COG5: variants seen among roughly 807,000 people sequenced by gnomAD.
COG5 encodes conserved oligomeric Golgi complex subunit 5.
COG5 carries 86 observed loss-of-function variants against 110.4 expected under a neutral mutation model. The ratio of observed to expected loss-of-function variants is 0.78; its 90% CI spans 0.65 to 0.93. COG5 has a LOEUF of 0.93. Among genes scored for constraint, COG5 ranks in the 40% least tolerant of loss-of-function variants. The pLI is 0.00. For synonymous variants in COG5, 360 were observed against 334.6 expected, an observed-to-expected ratio of 1.08 and a Z score of -0.83; for missense variants, 1,077 against 987.0, an observed-to-expected ratio of 1.09 and a Z score of -1.22.
chr7:107,251,047 A>G lies in COG5; in HGVS notation c.1750-2548T>C, dbSNP rs573101433. On this transcript the variant is annotated intron_variant, in intron 16 of 21. Transcript: ENST00000297135. ...AGATTCAGGAAAATCAGCAGATCCC[A>G]AACAGGATAATTTTGATGAGAACTA... Among the ~76,000 whole-genome samples, 5 of 151,896 alleles carry G rather than the reference A, an allele frequency of 3.3e-5. No homozygotes were observed. In the East Asian group the frequency reaches 9.7e-4, roughly 29 times the overall value.
intron 7 of COG5, among the ~76,000 whole-genome samples, chr7:107,389,503 G>A (rs545857786): frequency 1.3e-5 from 2 of 152,224 alleles, no homozygotes; most frequent in East Asian, 3.8e-4. Context: ...CCTCAAACCA[G>A]GTAATACAAT....
intron 6 of COG5, among the ~76,000 whole-genome samples, chr7:107,476,495 C>T (rs1206517214): frequency 6.6e-6 from 1 of 151,502 alleles, no homozygotes; most frequent in East Asian, 1.9e-4. Flanking sequence ...ACTTTTCTAC[C>T]GTACCATCAC....
chr7:107,492,185 G>GTGTGTC (rs1341908602), intron 6 of COG5, among the ~76,000 whole-genome samples: 3 of 150,730 alleles, frequency 2.0e-5, no homozygotes, highest in East Asian at 4.6e-4. Context: ...GTGTGTGTGT[G>GTGTGTC]TGTGTGTGTG....
At chr7:107,444,975 C>T (rs866794052) in intron 6 of COG5, among the ~76,000 whole-genome samples, 16 of 152,026 alleles carry the variant, frequency 1.1e-4, no homozygotes, top group South Asian at 2.1e-4. Flanking sequence ...ACTGTTTGAA[C>T]CCAGGAGTTT....
chr7:107,220,906 C>T, intron 19 of COG5, among the ~76,000 whole-genome samples: 1 of 151,360 alleles, frequency 6.6e-6, no homozygotes, highest in East Asian at 1.9e-4. Context: ...CAACCTCTGC[C>T]TCCCAGGTTC....
chr7:107,507,043 A>G (rs1447302116), intron 6 of COG5, among the ~76,000 whole-genome samples: 1 of 152,090 alleles, frequency 6.6e-6, no homozygotes, highest in African/African-American at 2.4e-5. Context: ...ATATGTCACC[A>G]CTTCCTAAAT....
chr7:107,265,861 C>A (rs1480249025), intron 14 of COG5, among the ~76,000 whole-genome samples: 1 of 151,994 alleles, frequency 6.6e-6, no homozygotes, highest in African/African-American at 2.4e-5. Flanking sequence ...TTGAGACCAA[C>A]CTGAGCAACA....
chr7:107,270,628 TACACAC>T (rs112944834), intron 14 of COG5, among the ~76,000 whole-genome samples: 10 of 150,610 alleles, frequency 6.6e-5, no homozygotes, highest in Non-Finnish European at 1.0e-4. Context: ...AAAGATGTTA[TACACAC>T]ACACACACAC....
intron 7 of COG5, among the ~76,000 whole-genome samples, chr7:107,385,299 G>A (rs1178854848): frequency 2.6e-5 from 4 of 152,162 alleles, no homozygotes; most frequent in Admixed American, 6.5e-5. Flanking sequence ...CCAGCTTCCA[G>A]AACTGTGAGA....
intron 7 of COG5, among the ~76,000 whole-genome samples, chr7:107,400,656 C>A (rs970149642): frequency 2.0e-5 from 3 of 152,036 alleles, no homozygotes; most frequent in African/African-American, 7.2e-5. Context: ...ATTCAGTGAA[C>A]TGGAAAACTA....
intron 14 of COG5, among the ~76,000 whole-genome samples, chr7:107,273,199 C>G (rs1352013755): frequency 6.6e-6 from 1 of 152,154 alleles, no homozygotes; most frequent in Non-Finnish European, 1.5e-5. Context: ...GTTCCATTTG[C>G]AAGGCAATCT....
At chr7:107,213,033 C>A (rs796191318) in intron 19 of COG5, among the ~76,000 whole-genome samples, 6 of 152,238 alleles carry the variant, frequency 3.9e-5, no homozygotes, top group African/African-American at 1.4e-4. Context: ...GGCAAGATCC[C>A]CTGGTGTCAA....
intron 5 of COG5, among the ~76,000 whole-genome samples, chr7:107,547,571 A>G (rs1368402952): frequency 6.6e-6 from 1 of 152,206 alleles, no homozygotes; most frequent in Non-Finnish European, 1.5e-5. Context: ...TCTGAAGGGA[A>G]GTAAAATTAT....
intron 10 of COG5, among the ~76,000 whole-genome samples, chr7:107,340,011 A>G (rs1811043389): frequency 6.6e-6 from 1 of 152,148 alleles, no homozygotes; most frequent in Admixed American, 6.5e-5. Flanking sequence ...GAAGAAAAGA[A>G]ATAACTAAAA....
At chr7:107,231,722 C>T (rs1800788462) in intron 18 of COG5, among the ~76,000 whole-genome samples, 6 of 152,082 alleles carry the variant, frequency 3.9e-5, no homozygotes, top group Admixed American at 3.9e-4. Context: ...GAGACCCAAT[C>T]GATCACTCAT....
At chr7:107,207,221 C>T (rs778869836) in intron 21 of COG5, among the ~76,000 whole-genome samples, 5 of 152,344 alleles carry the variant, frequency 3.3e-5, no homozygotes, top group African/African-American at 7.2e-5. Context: ...CCTCCCTCTT[C>T]GTCCTATTTC....
At chr7:107,215,209 C>G (rs1190066280) in intron 19 of COG5, among the ~76,000 whole-genome samples, 6 of 151,962 alleles carry the variant, frequency 3.9e-5, no homozygotes, top group African/African-American at 1.5e-4. Flanking sequence ...AACAATCAGA[C>G]CACAAAGGAG....
intron 1 of COG5, among the ~76,000 whole-genome samples, chr7:107,561,805 T>C (rs961816296): frequency 2.6e-5 from 4 of 152,024 alleles, no homozygotes; most frequent in African/African-American, 7.2e-5. Flanking sequence ...TGAAACCCCG[T>C]CTCTACTAAA....
intron 6 of COG5, among the ~76,000 whole-genome samples, chr7:107,456,092 C>T (rs1211313857): frequency 6.6e-6 from 1 of 152,056 alleles, no homozygotes; most frequent in East Asian, 1.9e-4. Context: ...AGCCACTGTG[C>T]CTGGCCCAGA....
Sources: allele counts gnomAD v4.1 joint callset (sites outside exome capture counted in the v4.1 genomes callset), GRCh38; gene constraint gnomAD v4.1.1; transcripts MANE v1.5; gene names NCBI Gene and HGNC (gene_info 2026-07-23, HGNC 2026-07-21).